PKIB: variants seen among roughly 807,000 people sequenced by gnomAD.
The protein encoded by PKIB is PKI-beta.
In PKIB, 2 loss-of-function variants were observed where a neutral mutation model predicts 4.5. The ratio of observed to expected loss-of-function variants is 0.44; its 90% CI spans 0.18 to 1.39. PKIB has a LOEUF of 1.39. Ranked by LOEUF, PKIB falls within the 40% of genes most tolerant of loss-of-function variation. The pLI is 0.27. For synonymous variants in PKIB, 38 were observed against 36.0 expected (o/e 1.06, Z -0.20); for missense variants, 94 against 92.6 (o/e 1.02, Z -0.06).
intron 2 of PKIB, chr6:122,482,613 C>G (rs558806371): frequency 7.6e-6 from 1 of 131,118 alleles, no homozygotes; most frequent in South Asian, 2.5e-4. Flanking sequence ...TGCAGTGGTG[C>G]GATCTCAGCT....
intron 4 of PKIB, 84 bp downstream of exon 4, chr6:122,718,047 A>G (rs1227112800): frequency 1.5e-6 from 2 of 1,378,300 alleles, no homozygotes; most frequent in East Asian, 4.7e-5. Flanking sequence ...TCTTTTATCT[A>G]GTTAAAAGTG....
At chr6:122,717,025 CA>C (rs1192215755) in intron 3 of PKIB, among the ~76,000 whole-genome samples, 1 of 152,070 alleles carries the variant, frequency 6.6e-6, no homozygotes, top group Non-Finnish European at 1.5e-5. Context: ...AGATTCATTC[CA>C]AAACATAATA....
At chr6:122,621,563 G>T (rs1291271305) in intron 1 of PKIB, among the ~76,000 whole-genome samples, 1 of 152,186 alleles carries the variant, frequency 6.6e-6, no homozygotes, top group African/African-American at 2.4e-5. Context: ...GATCTTGAAA[G>T]ATAACCACTA....
At chr6:122,615,142 A>G (rs532165574) in intron 1 of PKIB, among the ~76,000 whole-genome samples, 3 of 152,308 alleles carry the variant, frequency 2.0e-5, no homozygotes, top group Non-Finnish European at 2.9e-5. Flanking sequence ...AAGGGTGTCT[A>G]TGATAATTCT....
intron 2 of PKIB, among the ~76,000 whole-genome samples, chr6:122,661,926 G>T (rs553817863): frequency 3.3e-5 from 5 of 152,178 alleles, no homozygotes; most frequent in Admixed American, 6.5e-5. Flanking sequence ...GTTTTAACTT[G>T]CAGTTCCCTA....
At chr6:122,679,366 A>C (rs17084715) in intron 3 of PKIB, among the ~76,000 whole-genome samples, 7,968 of 152,236 alleles carry the variant, frequency 0.052, 244 homozygotes, top group East Asian at 0.13. Context: ...AGTGTGTTAA[A>C]GGTCATGTTA....
At chr6:122,562,828 GCTATCTATTT>G (rs1035403016) in intron 2 of PKIB, among the ~76,000 whole-genome samples, 128 of 151,622 alleles carry the variant, frequency 8.4e-4, no homozygotes, top group African/African-American at 3.0e-3. Flanking sequence ...TTTTCCTTAA[GCTATCTATTT>G]CTTTGAATAT....
At chr6:122,492,065 C>A (rs537058683) in intron 2 of PKIB, among the ~76,000 whole-genome samples, 1 of 152,088 alleles carries the variant, frequency 6.6e-6, no homozygotes, top group Non-Finnish European at 1.5e-5. Flanking sequence ...GAGGCTTAAG[C>A]CACACATCTC....
chr6:122,608,604 A>C (rs917326507), upstream of PKIB, among the ~76,000 whole-genome samples: 1 of 152,238 alleles, frequency 6.6e-6, no homozygotes, highest in African/African-American at 2.4e-5. Context: ...ATTTGGTCTT[A>C]AGTGTGGAAA....
intron 2 of PKIB, among the ~76,000 whole-genome samples, chr6:122,547,076 T>C (rs1291148401): frequency 6.6e-6 from 1 of 152,120 alleles, no homozygotes; most frequent in Non-Finnish European, 1.5e-5. Flanking sequence ...TGTGTGTACC[T>C]GTAGGCTATT....
At position 122,502,659 on chromosome 6, in the gene PKIB, G is replaced by A. The variant is rs529401974; in HGVS notation, c.-248+24720G>A. The stretch of plus-strand genomic sequence containing the variant: ...ACTAGGCCCTTCCTCAACCTGTGGG[G>A]ATTACAATTCCACATGATGTTTGGT... On this transcript the variant is annotated intron_variant, in intron 2 of 6. Transcript: ENST00000392491. Among the ~76,000 whole-genome samples, 13 of 152,224 alleles carry A rather than the reference G, an allele frequency of 8.5e-5. No individual in the cohort carries two copies. In the South Asian group the frequency reaches 1.2e-3, roughly 15 times the overall value.
In PKIB at chr6:122,690,921, TATATATATA is replaced by T. The variant is rs145351797; in HGVS notation, c.-9+15778_-9+15786del. Among the ~76,000 whole-genome samples, 11 of 132,382 alleles carry T rather than the reference TATATATATA, an allele frequency of 8.3e-5. 1 individual carries two copies. Among genetic ancestry groups the T allele is most frequent in the Non-Finnish European group, 1.1e-4 (7 of 62,822 alleles). 86.8% of individuals were successfully genotyped at this position (132,382 alleles called of 152,430 possible). On this transcript the variant is annotated intron_variant, in intron 3 of 4. Coordinates refer to ENST00000368452, the MANE Select transcript of PKIB (RefSeq NM_181795.3). ...TTCTCCTTCATGCTTGAAGGATATA[TATATATATA>T]TATTTTTTTTTTTTTTTGCCAAATA...
At chr6:122,622,537 C>G (rs9375157) in intron 1 of PKIB, among the ~76,000 whole-genome samples, 38,632 of 152,028 alleles carry the variant, frequency 0.25, 5,437 homozygotes, top group East Asian at 0.38. Context: ...GGCCCCTGAC[C>G]CCTTGTTAAC....
At chr6:122,623,794 A>G (rs1373535934) in intron 1 of PKIB, among the ~76,000 whole-genome samples, 1 of 152,126 alleles carries the variant, frequency 6.6e-6, no homozygotes, top group African/African-American at 2.4e-5. Context: ...TAGAACAATT[A>G]AGTTTTTTTC....
intron 2 of PKIB, chr6:122,484,303 C>G (rs1354778842): frequency 6.6e-6 from 1 of 152,028 alleles, no homozygotes; most frequent in Non-Finnish European, 1.5e-5. Flanking sequence ...TACATGAACA[C>G]CAACCAAATT....
At chr6:122,485,689 A>G (rs1162096367) in intron 2 of PKIB, among the ~76,000 whole-genome samples, 2 of 152,342 alleles carry the variant, frequency 1.3e-5, no homozygotes, top group South Asian at 2.1e-4. Flanking sequence ...TGGCTAGTTT[A>G]ATAGCAGAGC....
In PKIB at chr6:122,696,214, G is replaced by A. The variant is rs370057344; in HGVS notation, c.-9+21070G>A. On this transcript the variant is annotated intron_variant, in intron 3 of 4. Transcript: ENST00000368452. Reference sequence around the variant, plus strand: ...CTTTTTGAAAGAAAAGATTTATTGAGCTATCTGAAACTGAAGAACTGAGAA... The same window carrying A: ...CTTTTTGAAAGAAAAGATTTATTGAACTATCTGAAACTGAAGAACTGAGAA... 2.0e-4 allele frequency among the ~76,000 whole-genome samples: 30 copies of A among 152,302 alleles called. No individual in the cohort carries two copies. In the East Asian group the frequency reaches 5.2e-3, roughly 26 times the overall value.
chr6:122,569,957 C>T (rs187418382), intron 2 of PKIB, among the ~76,000 whole-genome samples: 129 of 152,288 alleles, frequency 8.5e-4, no homozygotes, highest in Non-Finnish European at 1.3e-3. Flanking sequence ...GTCTTGGAGA[C>T]GGTGTCCTTA....
At chr6:122,693,460 C>T (rs1274019484) in intron 3 of PKIB, among the ~76,000 whole-genome samples, 1 of 152,144 alleles carries the variant, frequency 6.6e-6, no homozygotes, top group African/African-American at 2.4e-5. Context: ...CTTCAGCATC[C>T]TTAATCAAAT....
Sources: gnomAD v4.1 joint callset for allele counts (sites outside exome capture counted in the v4.1 genomes callset) on GRCh38, gnomAD v4.1.1 for gene constraint, MANE v1.5 for transcripts, NCBI Gene and HGNC (gene_info 2026-07-23, HGNC 2026-07-21) for gene names.